Variants in ZFHX3 observed in about 807,000 individuals in gnomAD.
ZFHX3 encodes the protein zinc finger homeobox 3.
A neutral mutation model predicts 279.1 loss-of-function variants in ZFHX3; 42 were observed. That is an observed-to-expected ratio of 0.15 (90% CI 0.12 to 0.19). The LOEUF (loss-of-function observed/expected upper bound fraction) is 0.19. Among genes scored for constraint, ZFHX3 ranks in the 10% least tolerant of loss-of-function variants. ZFHX3 has a pLI of 1.00. For missense variants in ZFHX3, 4,981 were observed against 4,754.0 expected (o/e 1.05, Z -1.40); for synonymous variants, 2,293 against 1,957.8 (o/e 1.17, Z -4.52).
chr16:73,692,192 A>T (rs1425169490), intron 1 of ZFHX3, among the ~76,000 whole-genome samples: 1 of 152,170 alleles, frequency 6.6e-6, no homozygotes, highest in Non-Finnish European at 1.5e-5. Flanking sequence ...GGACTTAGTG[A>T]CACTTCTAAT....
intron 1 of ZFHX3, among the ~76,000 whole-genome samples, chr16:73,817,827 G>A (rs527525519): frequency 6.6e-6 from 1 of 152,266 alleles, no homozygotes; most frequent in East Asian, 1.9e-4. Flanking sequence ...GTACTTGAAA[G>A]GTCTGGTGAA....
At chr16:73,367,867 C>CTTTT (rs10718886) in intron 3 of ZFHX3, among the ~76,000 whole-genome samples, 20 of 115,424 alleles carry the variant, frequency 1.7e-4, no homozygotes, top group African/African-American at 5.1e-4. Flanking sequence ...TAAGGAAGGT[C>CTTTT]TTTTTTTTTT....
intron 2 of ZFHX3, among the ~76,000 whole-genome samples, chr16:73,545,145 C>T (rs969551807): frequency 6.6e-6 from 1 of 150,676 alleles, no homozygotes; most frequent in Non-Finnish European, 1.5e-5. Context: ...AGAGTCACTT[C>T]CCCCCGACCC....
At chr16:73,166,711 C>T (rs1003783277) in intron 5 of ZFHX3, among the ~76,000 whole-genome samples, 1 of 152,172 alleles carries the variant, frequency 6.6e-6, no homozygotes, top group Non-Finnish European at 1.5e-5. Flanking sequence ...CTATTTTTAG[C>T]TGTTTTTAGG....
At chr16:73,238,036 C>T (rs989004391) in intron 5 of ZFHX3, among the ~76,000 whole-genome samples, 2 of 152,208 alleles carry the variant, frequency 1.3e-5, no homozygotes, top group Non-Finnish European at 2.9e-5. Flanking sequence ...GTGCCTTCCT[C>T]TCTGAATCAT....
Position 73,117,332 on chromosome 16 carries a change from C to A in ZFHX3, c.-897+13636G>T, listed in dbSNP as rs1025824014. ...CTTATGATTTAGTTATACATAAATACATACCAATATGCACATGCATAATTG... is the reference window on the plus strand; with the variant it reads ...CTTATGATTTAGTTATACATAAATAAATACCAATATGCACATGCATAATTG... On this transcript the variant is annotated intron_variant, in intron 7 of 17. Coordinates refer to the ZFHX3 transcript ENST00000641206. Among the ~76,000 whole-genome samples, 3 of 152,158 alleles carry A rather than the reference C, an allele frequency of 2.0e-5. No homozygotes were observed. In the East Asian group the frequency reaches 5.8e-4, roughly 29 times the overall value.
intron 1 of ZFHX3, among the ~76,000 whole-genome samples, chr16:72,994,457 T>C (rs530937832): frequency 2.6e-5 from 4 of 152,306 alleles, no homozygotes; most frequent in East Asian, 3.9e-4. Context: ...CCAGCTGAAA[T>C]TGAGTCCATA....
intron 1 of ZFHX3, among the ~76,000 whole-genome samples, chr16:73,790,127 G>A (rs915637733): frequency 1.3e-5 from 2 of 152,166 alleles, no homozygotes; most frequent in Non-Finnish European, 2.9e-5. Flanking sequence ...TTAGAGGAGG[G>A]AGAATTGGGT....
chr16:73,628,945 C>T lies in ZFHX3; in HGVS notation c.-1547+51235G>A, dbSNP rs576471745. Among the ~76,000 whole-genome samples, 197 of 152,192 alleles carry T rather than the reference C, an allele frequency of 1.3e-3. 2 individuals carry two copies. The highest frequency in any genetic ancestry group is 4.5e-3 in the African/African-American group (188 of 41,534). ...TGAATGTCTGTGCACCAGGCAGGCCCTTGGAAAGAAGGGGTGTGTGGCTGT... is the reference window on the plus strand; with the variant it reads ...TGAATGTCTGTGCACCAGGCAGGCCTTTGGAAAGAAGGGGTGTGTGGCTGT... On this transcript the variant is annotated intron_variant, in intron 2 of 17. Transcript: ENST00000641206.
chr16:73,782,432 A>G (rs575764210), intron 1 of ZFHX3, among the ~76,000 whole-genome samples: 1 of 152,312 alleles, frequency 6.6e-6, no homozygotes, highest in South Asian at 2.1e-4. Context: ...CTGGAAGCCT[A>G]CTCATGAGCA....
chr16:73,713,969 A>G (rs1159912402), intron 1 of ZFHX3, among the ~76,000 whole-genome samples: 1 of 152,220 alleles, frequency 6.6e-6, no homozygotes, highest in African/African-American at 2.4e-5. Flanking sequence ...GTACAGCCAG[A>G]GGAAGCAGAT....
At chr16:73,289,119 C>CCT (rs1452965458) in intron 4 of ZFHX3, among the ~76,000 whole-genome samples, 1 of 151,524 alleles carries the variant, frequency 6.6e-6, no homozygotes, top group Non-Finnish European at 1.5e-5. Flanking sequence ...AAGAGGGGCT[C>CCT]CTCTCCTAAA....
At chr16:73,308,264 TATATATATATA>T (rs1567446260) in intron 4 of ZFHX3, among the ~76,000 whole-genome samples, 150 of 29,744 alleles carry the variant, frequency 5.0e-3, no homozygotes, top group South Asian at 0.015. Flanking sequence ...TATATATATA[TATATATATATA>T]TATTTATTTA....
intron 5 of ZFHX3, among the ~76,000 whole-genome samples, chr16:72,817,101 G>C (rs781055538): frequency 2.0e-5 from 3 of 152,204 alleles, no homozygotes; most frequent in Admixed American, 1.3e-4. Flanking sequence ...ACTTTGTGTA[G>C]GAAGTGACTT....
intron 3 of ZFHX3, among the ~76,000 whole-genome samples, chr16:73,336,300 G>A (rs2015911198): frequency 6.6e-6 from 1 of 152,154 alleles, no homozygotes. Flanking sequence ...GGTAAATGCT[G>A]TGTCACGGGG....
intron 5 of ZFHX3, among the ~76,000 whole-genome samples, chr16:73,243,838 C>A (rs1435566226): frequency 6.6e-6 from 1 of 152,028 alleles, no homozygotes; most frequent in African/African-American, 2.4e-5. Context: ...TATTCAGCAA[C>A]CATGTTACTT....
At chr16:73,229,636 G>A (rs1465173760) in intron 5 of ZFHX3, among the ~76,000 whole-genome samples, 1 of 152,122 alleles carries the variant, frequency 6.6e-6, no homozygotes, top group Admixed American at 6.5e-5. Flanking sequence ...TCTTTTAAGG[G>A]CAGCATGGTT....
chr16:73,630,323 G>A (rs2052456504), intron 2 of ZFHX3, among the ~76,000 whole-genome samples: 1 of 152,232 alleles, frequency 6.6e-6, no homozygotes, highest in Non-Finnish European at 1.5e-5. Flanking sequence ...GGGTGACCCT[G>A]CTCTCAGAAG....
chr16:73,855,170 T>G (rs923776302), intron 1 of ZFHX3, among the ~76,000 whole-genome samples: 1 of 150,790 alleles, frequency 6.6e-6, no homozygotes, highest in Non-Finnish European at 1.5e-5. Flanking sequence ...CCTCCTTGCC[T>G]GCAGCCATTT....
Sources: allele counts gnomAD v4.1 joint callset (sites outside exome capture counted in the v4.1 genomes callset), GRCh38; gene constraint gnomAD v4.1.1; transcripts MANE v1.5; gene names NCBI Gene and HGNC (gene_info 2026-07-23, HGNC 2026-07-21).